CASP5: variants seen among roughly 807,000 people sequenced by gnomAD.
The protein encoded by CASP5 is caspase-5.
Under a neutral mutation model 45.2 loss-of-function variants are expected in CASP5, and 42 were observed. The ratio of observed to expected loss-of-function variants is 0.93; its 90% CI spans 0.73 to 1.20. The LOEUF is 1.20. Ranked by LOEUF, CASP5 falls within the 50% of genes most tolerant of loss-of-function variation. CASP5 has a pLI of 0.00. For missense variants in CASP5, 512 were observed against 532.2 expected, an observed-to-expected ratio of 0.96 and a Z score of 0.37; for synonymous variants, 209 against 186.2, an observed-to-expected ratio of 1.12 and a Z score of -1.00.
At chr11:105,017,627 G>A (rs369103638) in intron 1 of CASP5, among the ~76,000 whole-genome samples, 1 of 151,712 alleles carries the variant, frequency 6.6e-6, no homozygotes, top group Non-Finnish European at 1.5e-5. Flanking sequence ...AAAGAAATGA[G>A]CAAAGCCTCC....
chr11:105,006,630 T>A (rs1862011177), intron 3 of CASP5, among the ~76,000 whole-genome samples: 1 of 152,174 alleles, frequency 6.6e-6, no homozygotes, highest in African/African-American at 2.4e-5. Flanking sequence ...GAATGAGAGC[T>A]GGTATCTTGG....
At chr11:105,016,297 G>A (rs544599379) in intron 1 of CASP5, among the ~76,000 whole-genome samples, 81 of 152,218 alleles carry the variant, frequency 5.3e-4, no homozygotes, top group African/African-American at 1.9e-3. Context: ...ATGACTGCAG[G>A]GGGAGGCGCC....
intron 8 of CASP5, among the ~76,000 whole-genome samples, chr11:104,996,159 G>C (rs536648012): frequency 6.6e-6 from 1 of 152,258 alleles, no homozygotes; most frequent in East Asian, 1.9e-4. Flanking sequence ...ATGAGAACTG[G>C]ATATGGAAGA....
intron 5 of CASP5, among the ~76,000 whole-genome samples, chr11:105,000,905 C>G (rs1861693412): frequency 6.6e-6 from 1 of 152,170 alleles, no homozygotes; most frequent in Admixed American, 6.5e-5. Context: ...CATACTCATC[C>G]TTATACTATG....
In CASP5 at chr11:105,007,173, A is replaced by C. The variant is rs1370446499; in HGVS notation, c.343T>G (p.Leu115Val). 1 of 1,613,794 alleles carries C rather than the reference A, an allele frequency of 6.2e-7. No individual in the cohort carries two copies. Among genetic ancestry groups the C allele is most frequent in the African/African-American group, 1.3e-5 (1 of 74,912 alleles). Residue 115 changes from leucine to valine, a missense_variant, in exon 3 of 10, where the codon TTG becomes GTG. By Grantham distance (32) the Leu-to-Val change is conservative (BLOSUM62 1). Transcript: ENST00000260315. ...DTKIEDKALILVDSLRKNRVA... is the reference protein window; with the variant it reads ...DTKIEDKALIVVDSLRKNRVA... Reference sequence around the variant, plus strand: ...CGATTCTTTCGCAAAGAGTCTACCAAGATCAGGGCCTTGTCTTCAATTTTG... The same window carrying C: ...CGATTCTTTCGCAAAGAGTCTACCACGATCAGGGCCTTGTCTTCAATTTTG...
At chr11:105,006,164 C>T (rs1267925579) in intron 3 of CASP5, among the ~76,000 whole-genome samples, 1 of 152,102 alleles carries the variant, frequency 6.6e-6, no homozygotes, top group Non-Finnish European at 1.5e-5. Flanking sequence ...ACTGATAATT[C>T]AATCCGTGTC....
Position 105,007,327 on chromosome 11 carries a change from G to T in CASP5, c.189C>A (p.Asn63Lys), listed in dbSNP as rs147915298. 77 of 1,592,866 alleles carry T rather than the reference G, an allele frequency of 4.8e-5. No homozygotes were observed. The African/African-American group carries it at 9.0e-4, about 19-fold the overall frequency. Residue 63 changes from asparagine to lysine, a missense_variant, in exon 3 of 10, where the codon AAC becomes AAA. Coordinates refer to ENST00000260315, the MANE Select transcript of CASP5 (RefSeq NM_004347.5). ...ACATCTTAACTGTTTTTTTTTTGTGGTTGTCTTCTGTCAGAAATAGAAAGA... is the reference window on the plus strand; with the variant it reads ...ACATCTTAACTGTTTTTTTTTTGTGTTTGTCTTCTGTCAGAAATAGAAAGA... ...DQKSTSVKKD[N>K]HKKKTVKMLE...
At chr11:105,006,002 T>C (rs527549098) in intron 3 of CASP5, among the ~76,000 whole-genome samples, 20 of 152,260 alleles carry the variant, frequency 1.3e-4, no homozygotes, top group Admixed American at 4.6e-4. Context: ...TATAGTGAGG[T>C]TTGAACAATT....
At chr11:104,995,907 T>C (rs1861450166) in intron 8 of CASP5, 65 bp from the exon 9 acceptor site, 5 of 1,015,926 alleles carry the variant, frequency 4.9e-6, no homozygotes, top group South Asian at 1.3e-5. Flanking sequence ...TCTTACACCA[T>C]GAACCAGGAA....
Position 105,007,459 on chromosome 11 carries a change from C to T in CASP5, c.182-125G>A, listed in dbSNP as rs549147304. 89 of 906,460 alleles carry T rather than the reference C, an allele frequency of 9.8e-5. 1 individual carries two copies. The highest frequency in any genetic ancestry group is 3.7e-4 in the South Asian group (22 of 58,866). 56.2% of individuals were successfully genotyped at this position (906,460 alleles called of 1,614,324 possible). On this transcript the variant is annotated intron_variant, in intron 2 of 9. Transcript: ENST00000260315. ...ACATTCTATTTTACCATGTCTCCAG[C>T]GAATAACACACATCTTTTTTTGCAA...
intron 3 of CASP5, among the ~76,000 whole-genome samples, chr11:105,004,979 G>A (rs1410451395): frequency 1.3e-5 from 2 of 151,996 alleles, no homozygotes; most frequent in Admixed American, 1.3e-4. Context: ...GTGTTTTCCA[G>A]TAAAATTAGA....
At chr11:104,994,969 AACCTCCCACCAG>A (rs2134683090) in intron 9 of CASP5, among the ~76,000 whole-genome samples, 1 of 152,332 alleles carries the variant, frequency 6.6e-6, no homozygotes, top group South Asian at 2.1e-4. Flanking sequence ...TCCCTGGCAG[AACCTCCCACCAG>A]ACTGTGCACT....
chr11:105,019,823 T>A (rs1402931700), intron 1 of CASP5, among the ~76,000 whole-genome samples: 3 of 145,272 alleles, frequency 2.1e-5, no homozygotes, highest in Non-Finnish European at 3.0e-5. Context: ...AGCATCATCC[T>A]GATACCAAAG....
Position 105,007,198 on chromosome 11 carries a change from G to A in CASP5, c.318C>T (p.Thr106=). 1 of 1,613,714 alleles carries A rather than the reference G, an allele frequency of 6.2e-7. No individual in the cohort carries two copies. Among genetic ancestry groups the A allele is most frequent in the Non-Finnish European group, 8.5e-7 (1 of 1,179,794 alleles). ...KEEEKKKYYD[T]KIEDKALILV... Reference sequence around the variant, plus strand: ...AGATCAGGGCCTTGTCTTCAATTTTGGTATCATAATATTTTTTCTTTTCCT... The same window carrying A: ...AGATCAGGGCCTTGTCTTCAATTTTAGTATCATAATATTTTTTCTTTTCCT... Residue 106 remains threonine (T), a synonymous_variant, in exon 3 of 10, where the codon ACC becomes ACT. Transcript: ENST00000260315.
At chr11:105,020,712 C>T (rs563823181) in intron 1 of CASP5, among the ~76,000 whole-genome samples, 89 of 152,212 alleles carry the variant, frequency 5.8e-4, no homozygotes, top group African/African-American at 2.0e-3. Context: ...GAATCAATAT[C>T]GTGAAAAATG....
intron 2 of CASP5, 41 bp from the exon 3 acceptor site, chr11:105,007,375 T>G: frequency 6.4e-7 from 1 of 1,559,472 alleles, no homozygotes; most frequent in Non-Finnish European, 8.6e-7. Context: ...TGGGCACAGC[T>G]TAAAGAGTTC....
intron 1 of CASP5, 23 bp from the exon 2 acceptor site, chr11:105,009,003 T>A: frequency 6.2e-7 from 1 of 1,609,440 alleles, no homozygotes; most frequent in South Asian, 1.1e-5. Context: ...TAAAGACTCC[T>A]TCAACTCTGG....
intron 2 of CASP5, 112 bp downstream of exon 2, chr11:105,008,695 T>TA (rs1862124154): frequency 2.7e-6 from 2 of 740,464 alleles, no homozygotes; most frequent in East Asian, 5.2e-5. Context: ...GTGAAAATGA[T>TA]AGTTTCATAA....
At chr11:105,012,949 G>A (rs1458331415) in intron 1 of CASP5, among the ~76,000 whole-genome samples, 6 of 151,972 alleles carry the variant, frequency 3.9e-5, no homozygotes, top group Admixed American at 2.6e-4. Flanking sequence ...CATTAAGTCA[G>A]TGTGTTGAAA....
Sources: gnomAD v4.1 joint callset for allele counts (sites outside exome capture counted in the v4.1 genomes callset) on GRCh38, gnomAD v4.1.1 for gene constraint, MANE v1.5 for transcripts, NCBI Gene and HGNC (gene_info 2026-07-23, HGNC 2026-07-21) for gene names.